Variants in NTM observed in about 807,000 individuals in gnomAD.
NTM encodes the protein neurotrimin, also known as IgLON family member 2.
A neutral mutation model predicts 42.1 loss-of-function variants in NTM; 13 were observed. The observed-to-expected ratio is 0.31, with a 90% confidence interval of 0.20 to 0.49. The LOEUF (loss-of-function observed/expected upper bound fraction) is 0.49. Ranked by LOEUF, NTM falls within the 20% of genes least tolerant of loss-of-function variation. The probability of loss-of-function intolerance (pLI) is 0.99; values close to 1 mark genes in which losing one functional copy is unlikely to be tolerated. For synonymous variants in NTM, 187 were observed against 179.2 expected (o/e 1.04, Z -0.35); for missense variants, 373 against 452.8 (o/e 0.82, Z 1.60).
intron 1 of NTM, among the ~76,000 whole-genome samples, chr11:131,812,274 C>T (rs1478832113): frequency 1.3e-5 from 2 of 151,196 alleles, no homozygotes; most frequent in African/African-American, 4.9e-5. Flanking sequence ...ATGAGGCTGC[C>T]ATTATCATAT....
intron 1 of NTM, among the ~76,000 whole-genome samples, chr11:131,907,340 C>T (rs1180455863): frequency 6.6e-6 from 1 of 152,178 alleles, no homozygotes; most frequent in Non-Finnish European, 1.5e-5. Flanking sequence ...TGTACAGATG[C>T]CAGGGTTGCC....
chr11:131,691,771 G>C (rs897846184), intron 1 of NTM, among the ~76,000 whole-genome samples: 2 of 152,188 alleles, frequency 1.3e-5, no homozygotes, highest in Non-Finnish European at 2.9e-5. Flanking sequence ...GGGCGCAGCG[G>C]TCCCGGGGCT....
At chr11:131,780,651 T>C (rs772787319) in intron 1 of NTM, among the ~76,000 whole-genome samples, 18 of 152,300 alleles carry the variant, frequency 1.2e-4, no homozygotes, top group Non-Finnish European at 1.2e-4. Context: ...ATACTCAAGA[T>C]TTCCATGGCA....
intron 1 of NTM, among the ~76,000 whole-genome samples, chr11:131,867,246 G>C (rs2047312491): frequency 6.6e-6 from 1 of 152,244 alleles, no homozygotes; most frequent in Admixed American, 6.5e-5. Context: ...CAGGTCTCAG[G>C]GATGCCTAAA....
intron 1 of NTM, among the ~76,000 whole-genome samples, chr11:131,669,461 T>C (rs985268116): frequency 3.3e-5 from 5 of 152,188 alleles, no homozygotes; most frequent in African/African-American, 1.2e-4. Flanking sequence ...ATTAAGTGCT[T>C]CATAGATGCC....
intron 1 of NTM, among the ~76,000 whole-genome samples, chr11:131,603,398 A>G (rs1042518647): frequency 6.6e-6 from 1 of 152,062 alleles, no homozygotes; most frequent in African/African-American, 2.4e-5. Flanking sequence ...TTGCATTCCT[A>G]ATAAGCTCTC....
chr11:132,252,099 T>C (rs2092005669), intron 4 of NTM, among the ~76,000 whole-genome samples: 1 of 152,154 alleles, frequency 6.6e-6, no homozygotes, highest in African/African-American at 2.4e-5. Flanking sequence ...GCCTCCCTCC[T>C]ACCTCTCCTT....
chr11:132,050,985 G>A (rs997072021), intron 2 of NTM, among the ~76,000 whole-genome samples: 5 of 152,194 alleles, frequency 3.3e-5, no homozygotes, highest in Non-Finnish European at 7.3e-5. Context: ...GCAGCAAGTC[G>A]GGGGTGGTGG....
intron 1 of NTM, among the ~76,000 whole-genome samples, chr11:131,590,963 C>T (rs1592144139): frequency 6.6e-6 from 1 of 152,284 alleles, no homozygotes; most frequent in Middle Eastern, 3.4e-3. Context: ...GGGCTGGAGA[C>T]AGGACTGCAC....
At chr11:131,983,079 A>G (rs2065508877) in intron 2 of NTM, among the ~76,000 whole-genome samples, 1 of 150,974 alleles carries the variant, frequency 6.6e-6, no homozygotes. Flanking sequence ...GTCATACTAC[A>G]TGGAAGAACA....
intron 7 of NTM, among the ~76,000 whole-genome samples, chr11:132,325,192 C>T (rs2095652874): frequency 1.3e-5 from 2 of 152,000 alleles, no homozygotes; most frequent in African/African-American, 2.4e-5. Context: ...AACTAAAGAG[C>T]TTCTGCACAG....
rs1955034955 is a variant in NTM at position 131,493,674 on chromosome 11, G to A, written c.82+122786G>A. 3.3e-5 allele frequency among the ~76,000 whole-genome samples: 5 copies of A among 152,118 alleles called. No individual in the cohort carries two copies. In the South Asian group the frequency reaches 1.0e-3, roughly 32 times the overall value. Reference sequence around the variant, plus strand: ...ACTGGTACCCCCATTTCACAGATGGGGCAGTGAAGCCCAGAGACATTAAGT... The same window carrying A: ...ACTGGTACCCCCATTTCACAGATGGAGCAGTGAAGCCCAGAGACATTAAGT... On this transcript the variant is annotated intron_variant, in intron 1 of 8. Coordinates refer to ENST00000683400, the MANE Select transcript of NTM (RefSeq NM_001352005.2).
At chr11:131,777,757 C>A (rs1343851118) in intron 1 of NTM, among the ~76,000 whole-genome samples, 1 of 152,072 alleles carries the variant, frequency 6.6e-6, no homozygotes, top group Non-Finnish European at 1.5e-5. Flanking sequence ...TTTTACATTA[C>A]ATTAGTGTAA....
At chr11:132,315,112 G>GCTGA (rs777205186) in intron 7 of NTM, 58 of 988,446 alleles carry the variant, frequency 5.9e-5, no homozygotes, top group Non-Finnish European at 7.0e-5. Context: ...TGGCTCCTAA[G>GCTGA]CTGACTGTGG....
chr11:131,790,112 TAAG>T (rs982566774), intron 1 of NTM, among the ~76,000 whole-genome samples: 2 of 151,982 alleles, frequency 1.3e-5, no homozygotes, highest in African/African-American at 4.8e-5. Context: ...ATTAAAAGGA[TAAG>T]AAGATGGCAA....
intron 1 of NTM, among the ~76,000 whole-genome samples, chr11:131,658,605 G>A (rs1426416523): frequency 6.6e-6 from 1 of 152,198 alleles, no homozygotes; most frequent in African/African-American, 2.4e-5. Flanking sequence ...CGACTTAGAG[G>A]TTCCTGGTCT....
chr11:132,161,507 T>A (rs1345855432), intron 3 of NTM, among the ~76,000 whole-genome samples: 1 of 151,636 alleles, frequency 6.6e-6, no homozygotes, highest in East Asian at 2.0e-4. Flanking sequence ...CTCTATCTGA[T>A]ACTCCCGTTC....
intron 1 of NTM, among the ~76,000 whole-genome samples, chr11:131,784,590 T>C (rs1267406426): frequency 6.6e-6 from 1 of 152,032 alleles, no homozygotes. Flanking sequence ...TTTCCTGGGG[T>C]CCGGGCTTGG....
intron 2 of NTM, among the ~76,000 whole-genome samples, chr11:132,118,962 G>C (rs113413595): frequency 2.1e-4 from 32 of 152,254 alleles, no homozygotes; most frequent in African/African-American, 6.5e-4. Context: ...AGTAGAGATA[G>C]ATAGTGTATA....
Sources: gnomAD v4.1 joint callset for allele counts (sites outside exome capture counted in the v4.1 genomes callset) on GRCh38, gnomAD v4.1.1 for gene constraint, MANE v1.5 for transcripts, NCBI Gene and HGNC (gene_info 2026-07-23, HGNC 2026-07-21) for gene names.